OSBP2: variants seen among roughly 807,000 people sequenced by gnomAD.
OSBP2 encodes oxysterol binding protein 2, also known as oxysterol-binding protein 2.
OSBP2 carries 66 observed loss-of-function variants against 96.0 expected under a neutral mutation model. That is an observed-to-expected ratio of 0.69 (90% CI 0.56 to 0.84). The LOEUF is 0.84. OSBP2 is among the 40% of genes least tolerant of loss of function. OSBP2 has a pLI of 0.00. For synonymous variants in OSBP2, 525 were observed against 520.9 expected (o/e 1.01, Z -0.11); for missense variants, 1,038 against 1,222.7 (o/e 0.85, Z 2.25).
chr22:30,822,606 A>T (rs756254119), intron 2 of OSBP2: 1 of 1,525,736 alleles, frequency 6.6e-7, no homozygotes, highest in South Asian at 1.2e-5. Context: ...CGCCCCGCCG[A>T]TTGGAGGCTG....
At position 30,833,465 on chromosome 22, in the gene OSBP2, A is replaced by G. The variant is rs561627546; in HGVS notation, c.854-36964A>G. 2.6e-5 allele frequency among the ~76,000 whole-genome samples: 4 copies of G among 152,294 alleles called. No individual in the cohort carries two copies. In the South Asian group the frequency reaches 8.3e-4, roughly 32 times the overall value. On this transcript the variant is annotated intron_variant, in intron 2 of 13. Transcript: ENST00000332585. ...TGGAGCTCCTGGGCCATACACCTAC[A>G]TGTGTAATTGAGCTCTGCTTGTCCC... is the stretch of plus-strand genomic sequence containing the variant.
At position 30,889,214 on chromosome 22, in the gene OSBP2, G is replaced by A. The variant is rs1033853388; in HGVS notation, c.1456G>A (p.Asp486Asn). 1 of 1,613,386 alleles carries A rather than the reference G, an allele frequency of 6.2e-7. No individual in the cohort carries two copies. The highest frequency in any genetic ancestry group is 8.5e-7 in the Non-Finnish European group (1 of 1,179,926). Reference protein sequence around the residue: ...AEGSTGTSSVDWSSADNVLDG... With the variant: ...AEGSTGTSSVNWSSADNVLDG... Reference sequence around the variant, plus strand: ...AGGTAGCACCGGGACAAGTTCCGTGGACTGGAGCTCAGCAGACAATGTAAG... The same window carrying A: ...AGGTAGCACCGGGACAAGTTCCGTGAACTGGAGCTCAGCAGACAATGTAAG... The change falls in exon 6 of 14, where the codon GAC becomes AAC. Residue 486 changes from aspartate (D) to asparagine (N), a missense_variant. Asp to Asn is a conservative substitution (Grantham distance 23). Around this residue, in one of 3 missense-constraint regions of OSBP2, gnomAD observed 737 missense variants for 913.3 expected, o/e 0.81. Transcript: ENST00000332585.
rs2039917336 is a variant in OSBP2 at position 30,890,357 on chromosome 22, C to T, written c.1624-371C>T. Among the ~76,000 whole-genome samples the T allele has an allele frequency of 6.6e-6, 1 of 152,096 alleles. No homozygotes were observed. The highest frequency in any genetic ancestry group is 2.4e-5 in the African/African-American group (1 of 41,400). ...TCGCAACATGGGGAAGACCCACTTCCTCCACCCACAGACTCATGTGCCCAT... is the reference window on the plus strand; with the variant it reads ...TCGCAACATGGGGAAGACCCACTTCTTCCACCCACAGACTCATGTGCCCAT... On this transcript the variant is annotated intron_variant, in intron 7 of 13. Coordinates refer to ENST00000332585, the MANE Select transcript of OSBP2 (RefSeq NM_030758.4). This position sits in a 1 kb window ranked among gnomAD's most constrained non-coding sequence, Gnocchi z 4.4.
chr22:30,741,603 GT>G (rs1338439792), intron 2 of OSBP2, among the ~76,000 whole-genome samples: 1 of 152,202 alleles, frequency 6.6e-6, no homozygotes, highest in Non-Finnish European at 1.5e-5. Context: ...CAGGAGCTGT[GT>G]GTGCCTTTCT....
At chr22:30,827,283 G>T (rs1409432661) in intron 2 of OSBP2, among the ~76,000 whole-genome samples, 1 of 152,144 alleles carries the variant, frequency 6.6e-6, no homozygotes, top group African/African-American at 2.4e-5. Context: ...GTGGAAAGGA[G>T]GCCTCATGGT....
At chr22:30,767,982 GTCTTAT>G (rs1424677584) in intron 2 of OSBP2, among the ~76,000 whole-genome samples, 2 of 152,150 alleles carry the variant, frequency 1.3e-5, no homozygotes, top group Non-Finnish European at 2.9e-5. Flanking sequence ...GAAAATGATG[GTCTTAT>G]TCTTTAGGAG....
chr22:30,755,780 G>A (rs920401357), intron 2 of OSBP2, among the ~76,000 whole-genome samples: 3 of 152,180 alleles, frequency 2.0e-5, no homozygotes, highest in African/African-American at 7.2e-5. Flanking sequence ...CCAGGGACTG[G>A]TCGATTGTGC....
intron 1 of OSBP2, among the ~76,000 whole-genome samples, chr22:30,740,939 C>T (rs530869205): frequency 2.0e-5 from 3 of 152,286 alleles, no homozygotes; most frequent in East Asian, 1.9e-4. Context: ...TGCAGGCTCC[C>T]GTCCCTCTGC....
At chr22:30,820,458 C>G (rs929886234) in intron 2 of OSBP2, among the ~76,000 whole-genome samples, 6 of 151,378 alleles carry the variant, frequency 4.0e-5, no homozygotes, top group Non-Finnish European at 7.4e-5. Context: ...CCCCCCGCCA[C>G]CTCATTTTTT....
chr22:30,880,584 A>C (rs1037490293), intron 3 of OSBP2, among the ~76,000 whole-genome samples: 1 of 152,152 alleles, frequency 6.6e-6, no homozygotes, highest in African/African-American at 2.4e-5. Context: ...GGAAGTTTCC[A>C]GGAAGCCACT....
At chr22:30,754,344 A>T (rs1461706546) in intron 2 of OSBP2, among the ~76,000 whole-genome samples, 1 of 152,170 alleles carries the variant, frequency 6.6e-6, no homozygotes, top group Non-Finnish European at 1.5e-5. Flanking sequence ...TTATGCACTA[A>T]AGTGCATGCA....
intron 1 of OSBP2, among the ~76,000 whole-genome samples, chr22:30,705,115 C>T (rs537172535): frequency 5.8e-4 from 88 of 152,292 alleles, no homozygotes; most frequent in African/African-American, 2.0e-3. Context: ...GTCTGCTGCT[C>T]TGTGTGCTGA....
chr22:30,871,649 T>G lies in OSBP2; in HGVS notation c.1107+967T>G, dbSNP rs2039461741. Among the ~76,000 whole-genome samples, 1 of 151,602 alleles carries G rather than the reference T, an allele frequency of 6.6e-6. No homozygotes were observed. Among genetic ancestry groups the G allele is most frequent in the Non-Finnish European group, 1.5e-5 (1 of 67,878 alleles). On this transcript the variant is annotated intron_variant, in intron 3 of 13. Transcript: ENST00000332585. The surrounding 1 kb of genome is among the most constrained non-coding windows in gnomAD (Gnocchi z 4.7). ...ACAGTGGGCAGTGCTGGTGCCTGGG[T>G]GACCTCCAGCTGGGGGACCCAGCCC...
chr22:30,704,517 A>ATT (rs34976215), intron 1 of OSBP2, among the ~76,000 whole-genome samples: 19 of 143,250 alleles, frequency 1.3e-4, no homozygotes, highest in African/African-American at 2.8e-4. Flanking sequence ...AGGAAAGCAG[A>ATT]TTTTTTTTTT....
At chr22:30,733,496 G>A (rs2089809884) in intron 1 of OSBP2, among the ~76,000 whole-genome samples, 1 of 152,106 alleles carries the variant, frequency 6.6e-6, no homozygotes, top group South Asian at 2.1e-4. Context: ...CTTCCATACT[G>A]TGGGTTGCAA....
intron 2 of OSBP2, among the ~76,000 whole-genome samples, chr22:30,849,746 T>G (rs1602354400): frequency 6.6e-6 from 1 of 152,220 alleles, no homozygotes; most frequent in East Asian, 1.9e-4. Context: ...AAACTACTTA[T>G]CAGATGTTTC....
chr22:30,703,143 T>A (rs1467427179), intron 1 of OSBP2, among the ~76,000 whole-genome samples: 1 of 152,018 alleles, frequency 6.6e-6, no homozygotes, highest in Non-Finnish European at 1.5e-5. Context: ...TGTGTTGCAA[T>A]AGGCTACTCA....
At chr22:30,896,392 A>G (rs1023889214) in intron 12 of OSBP2, among the ~76,000 whole-genome samples, 5 of 152,196 alleles carry the variant, frequency 3.3e-5, no homozygotes, top group Non-Finnish European at 7.3e-5. Context: ...TGCAGATTTA[A>G]AAGTTTAGAT....
intron 12 of OSBP2, among the ~76,000 whole-genome samples, chr22:30,896,011 GT>G (rs901040355): frequency 6.6e-6 from 1 of 151,508 alleles, no homozygotes; most frequent in Non-Finnish European, 1.5e-5. Flanking sequence ...AAGGGGTTTT[GT>G]TTGTTTTTTT....
Sources: allele counts gnomAD v4.1 joint callset (sites outside exome capture counted in the v4.1 genomes callset), GRCh38; gene constraint gnomAD v4.1.1; regional missense constraint gnomAD v4.1.1; non-coding constraint Gnocchi (gnomAD v3.1); transcripts MANE v1.5; gene names NCBI Gene and HGNC (gene_info 2026-07-23, HGNC 2026-07-21).